Variants in WASF2 observed in about 807,000 individuals in gnomAD.
The protein encoded by WASF2 is actin-binding protein WASF2.
WASF2 carries 14 observed loss-of-function variants against 45.0 expected under a neutral mutation model. That is an observed-to-expected ratio of 0.31 (90% CI 0.21 to 0.49). The LOEUF (loss-of-function observed/expected upper bound fraction) is 0.49. WASF2 is among the 20% of genes least tolerant of loss of function. WASF2 has a pLI of 0.99. For missense variants in WASF2, 439 were observed against 636.1 expected (o/e 0.69, Z 3.33); for synonymous variants, 200 against 236.3 (o/e 0.85, Z 1.41).
chr1:27,448,323 G>A (rs1208313109), intron 1 of WASF2, among the ~76,000 whole-genome samples: 8 of 152,170 alleles, frequency 5.3e-5, no homozygotes, highest in Non-Finnish European at 4.4e-5. Context: ...TAAAAGCAGT[G>A]TATCATCCAT....
intron 1 of WASF2, among the ~76,000 whole-genome samples, chr1:27,463,597 T>C (rs958395835): frequency 2.5e-5 from 3 of 121,860 alleles, no homozygotes; most frequent in African/African-American, 3.3e-5. Context: ...CACTCTAGCC[T>C]GGGCGACAGA....
intron 1 of WASF2, among the ~76,000 whole-genome samples, chr1:27,453,516 C>T (rs572271781): frequency 2.3e-4 from 35 of 150,844 alleles, no homozygotes; most frequent in African/African-American, 8.1e-4. Context: ...TTCTTGAACC[C>T]AGGAGGCAGA....
chr1:27,414,771 G>A lies in WASF2; in HGVS notation c.668+62C>T, dbSNP rs2016805812. 1.3e-6 allele frequency: 2 copies of A among 1,590,572 alleles called. No individual in the cohort carries two copies. The highest frequency in any genetic ancestry group is 1.4e-5 in the African/African-American group (1 of 74,008). On this transcript the variant is annotated intron_variant, in intron 6 of 8. Coordinates refer to ENST00000618852, the MANE Select transcript of WASF2 (RefSeq NM_006990.5). This position sits in a 1 kb window ranked among gnomAD's most constrained non-coding sequence, Gnocchi z 4.1. ...GTGTGAAAGGTGTCACACCAGAGCT[G>A]TCAGACTGTTGTCCCCAGCCCCTTC...
chr1:27,433,657 C>T (rs1388257768), intron 1 of WASF2, among the ~76,000 whole-genome samples: 1 of 152,110 alleles, frequency 6.6e-6, no homozygotes, highest in African/African-American at 2.4e-5. Flanking sequence ...ATGTAAAGGC[C>T]CACCCTACCA....
intron 6 of WASF2, among the ~76,000 whole-genome samples, chr1:27,413,370 GAAC>G (rs1258460213): frequency 3.3e-5 from 5 of 152,244 alleles, no homozygotes; most frequent in African/African-American, 7.2e-5. Context: ...TGTTCTGGGT[GAAC>G]AACAACAAAA....
In WASF2 at chr1:27,410,566, T is replaced by C. The variant is rs968099815; in HGVS notation, c.825-360A>G. The stretch of plus-strand genomic sequence containing the variant: ...CCCTCCCCTTCCCTAAGAAGGATGG[T>C]CCATGGCAGTTGCTAGTTTAATCCT... On this transcript the variant is annotated intron_variant, in intron 7 of 8. Coordinates refer to ENST00000618852, the MANE Select transcript of WASF2 (RefSeq NM_006990.5). This position sits in a 1 kb window ranked among gnomAD's most constrained non-coding sequence, Gnocchi z 4.2. Among the ~76,000 whole-genome samples, 6 of 152,126 alleles carry C rather than the reference T, an allele frequency of 3.9e-5. No homozygotes were observed. Among genetic ancestry groups the C allele is most frequent in the African/African-American group, 1.4e-4 (6 of 41,426 alleles).
chr1:27,453,339 C>T (rs909596133), intron 1 of WASF2, among the ~76,000 whole-genome samples: 1 of 152,002 alleles, frequency 6.6e-6, no homozygotes, highest in Admixed American at 6.6e-5. Context: ...CGCCTATAAT[C>T]CCAGCACTTT....
At chr1:27,471,064 G>C (rs922832146) in intron 1 of WASF2, among the ~76,000 whole-genome samples, 1 of 152,088 alleles carries the variant, frequency 6.6e-6, no homozygotes, top group Non-Finnish European at 1.5e-5. Context: ...TAGGCTGTGG[G>C]CCGGGCGCGG....
intron 1 of WASF2, among the ~76,000 whole-genome samples, chr1:27,472,505 GCA>G (rs1186330319): frequency 6.6e-6 from 1 of 151,382 alleles, no homozygotes; most frequent in Non-Finnish European, 1.5e-5. Flanking sequence ...ATGGTGGCTA[GCA>G]CCTATAGTTC....
chr1:27,412,079 T>C (rs1381213168), intron 7 of WASF2, among the ~76,000 whole-genome samples: 4 of 152,214 alleles, frequency 2.6e-5, no homozygotes, highest in African/African-American at 4.8e-5. Flanking sequence ...AACATGGGGA[T>C]AGTAACAGTG....
In WASF2 at chr1:27,405,921, C is replaced by G. The variant is rs2148093040; in HGVS notation, c.*2268G>C. The G allele has an allele frequency of 6.6e-6, 1 of 152,538 alleles. No homozygotes were observed. Among genetic ancestry groups the G allele is most frequent in the East Asian group, 1.9e-4 (1 of 5,154 alleles). 9.4% of individuals were successfully genotyped at this position (152,538 alleles called of 1,614,324 possible). A position where few individuals can be genotyped will look rare whatever the true frequency, so the allele number is the denominator to read the frequency against. On this transcript the variant is annotated 3_prime_UTR_variant, in exon 9 of 9. Transcript: ENST00000618852. The stretch of plus-strand genomic sequence containing the variant: ...TGCCCCTCCCCACCTCCTCCTGCCC[C>G]CAGCCCTTTCCACGATGGACTCAGT...
At chr1:27,426,112 G>A (rs1334652736) in intron 2 of WASF2, among the ~76,000 whole-genome samples, 1 of 152,222 alleles carries the variant, frequency 6.6e-6, no homozygotes, top group Non-Finnish European at 1.5e-5. Flanking sequence ...GGTCCTGAAT[G>A]CTAGGCCAAG....
At chr1:27,418,813 G>A in intron 3 of WASF2, 141 bp downstream of exon 3, 3 of 1,067,042 alleles carry the variant, frequency 2.8e-6, no homozygotes, top group Non-Finnish European at 3.9e-6. Context: ...CAGCACTCAG[G>A]CTTGTGTGAT....
chr1:27,435,541 T>C lies in WASF2; in HGVS notation c.-43-6608A>G, dbSNP rs1054223429. 3.9e-4 allele frequency among the ~76,000 whole-genome samples: 59 copies of C among 149,852 alleles called. 1 individual carries two copies. The highest frequency in any genetic ancestry group is 7.4e-5 in the Non-Finnish European group (5 of 67,490). On this transcript the variant is annotated intron_variant, in intron 1 of 8. Coordinates refer to ENST00000618852, the MANE Select transcript of WASF2 (RefSeq NM_006990.5). ...AGGTTGAGGCTGCAGTGTGTATGAT[T>C]GTGCCACTGCACTCCAGTCTAGGCA...
chr1:27,487,320 C>T (rs968595705), intron 1 of WASF2, among the ~76,000 whole-genome samples: 17 of 143,078 alleles, frequency 1.2e-4, no homozygotes, highest in Admixed American at 3.0e-4. Flanking sequence ...AGGATGGTCT[C>T]GATCTCCCGA....
chr1:27,430,171 G>T (rs1279313325), intron 1 of WASF2, among the ~76,000 whole-genome samples: 1 of 152,118 alleles, frequency 6.6e-6, no homozygotes, highest in East Asian at 1.9e-4. Flanking sequence ...GATAGGAGAG[G>T]GTTTTAATTT....
At chr1:27,461,978 C>CTTT (rs373306411) in intron 1 of WASF2, among the ~76,000 whole-genome samples, 2 of 132,856 alleles carry the variant, frequency 1.5e-5, no homozygotes, top group African/African-American at 2.8e-5. Flanking sequence ...TATTTTATTA[C>CTTT]TTTTTTTTTT....
chr1:27,429,841 T>C (rs981760139), intron 1 of WASF2, among the ~76,000 whole-genome samples: 11 of 152,122 alleles, frequency 7.2e-5, no homozygotes, highest in African/African-American at 2.7e-4. Flanking sequence ...GTTTGTAAAT[T>C]GACTGAACGA....
intron 1 of WASF2, among the ~76,000 whole-genome samples, chr1:27,476,548 T>C (rs1407423709): frequency 3.9e-4 from 59 of 151,040 alleles, no homozygotes; most frequent in Admixed American, 3.9e-3. Flanking sequence ...ATATTCAAAC[T>C]ACATCACATG....
Sources: gnomAD v4.1 joint callset for allele counts (sites outside exome capture counted in the v4.1 genomes callset) on GRCh38, gnomAD v4.1.1 for gene constraint, Gnocchi (gnomAD v3.1) non-coding constraint, MANE v1.5 for transcripts, NCBI Gene and HGNC (gene_info 2026-07-23, HGNC 2026-07-21) for gene names.